Variants in EPHA6 observed in about 807,000 individuals in gnomAD.
The protein encoded by EPHA6 is ephrin type-A receptor 6.
Under a neutral mutation model 112.0 loss-of-function variants are expected in EPHA6, and 50 were observed. That is an observed-to-expected ratio of 0.45 (90% CI 0.36 to 0.56). The LOEUF (loss-of-function observed/expected upper bound fraction) is 0.56, where lower values mean the gene tolerates loss of function less well. Ranked by LOEUF, EPHA6 falls within the 20% of genes least tolerant of loss-of-function variation. The probability of loss-of-function intolerance (pLI) is 0.00; values close to 1 mark genes in which losing one functional copy is unlikely to be tolerated. For missense variants in EPHA6, 1,280 were observed against 1,417.4 expected, an observed-to-expected ratio of 0.90 and a Z score of 1.56; for synonymous variants, 529 against 490.7, an observed-to-expected ratio of 1.08 and a Z score of -1.03.
chr3:97,198,976 G>A (rs1300041195), intron 3 of EPHA6, among the ~76,000 whole-genome samples: 1 of 152,054 alleles, frequency 6.6e-6, no homozygotes, highest in Non-Finnish European at 1.5e-5. Flanking sequence ...TCCCAAGTAA[G>A]TATAGGGCTT....
intron 5 of EPHA6, among the ~76,000 whole-genome samples, chr3:97,322,064 TGAA>T (rs1184043760): frequency 6.6e-6 from 1 of 152,058 alleles, no homozygotes; most frequent in Non-Finnish European, 1.5e-5. Flanking sequence ...TATTTGCTGA[TGAA>T]GAAGAACAGA....
intron 3 of EPHA6, among the ~76,000 whole-genome samples, chr3:97,034,152 G>T (rs1277839889): frequency 6.6e-6 from 1 of 151,866 alleles, no homozygotes; most frequent in Admixed American, 6.6e-5. Context: ...TCTTGACAAG[G>T]TTGTATTTAA....
chr3:97,406,267 T>C (rs1299151178), intron 6 of EPHA6, among the ~76,000 whole-genome samples: 1 of 152,144 alleles, frequency 6.6e-6, no homozygotes, highest in Admixed American at 6.6e-5. Flanking sequence ...TAATTTATAA[T>C]AAACAGAAAT....
intron 14 of EPHA6, among the ~76,000 whole-genome samples, chr3:97,669,367 T>A (rs568938783): frequency 6.7e-6 from 1 of 149,776 alleles, no homozygotes; most frequent in South Asian, 2.1e-4. Context: ...GTAATTATCT[T>A]GCATCTCCCA....
intron 5 of EPHA6, among the ~76,000 whole-genome samples, chr3:97,377,267 T>C (rs534780773): frequency 3.2e-4 from 49 of 152,248 alleles, no homozygotes; most frequent in Middle Eastern, 3.4e-3. Flanking sequence ...TTATCAGGGG[T>C]TTCTGCTTCT....
chr3:97,316,879 G>A (rs1483055110), intron 5 of EPHA6, among the ~76,000 whole-genome samples: 1 of 151,756 alleles, frequency 6.6e-6, no homozygotes, highest in Non-Finnish European at 1.5e-5. Flanking sequence ...GTCAAGAAGA[G>A]CCCAGATGTT....
intron 2 of EPHA6, among the ~76,000 whole-genome samples, chr3:96,940,521 C>G (rs1164998786): frequency 6.6e-6 from 1 of 152,122 alleles, no homozygotes; most frequent in Non-Finnish European, 1.5e-5. Context: ...TTCCTGAATA[C>G]AGCACACTGA....
chr3:97,226,810 A>T (rs2078370215), intron 4 of EPHA6, among the ~76,000 whole-genome samples: 1 of 152,224 alleles, frequency 6.6e-6, no homozygotes, highest in Admixed American at 6.5e-5. Context: ...CATATAGTTA[A>T]CGCGTGAGGG....
chr3:97,016,610 G>A lies in EPHA6; in HGVS notation c.1114+28617G>A, dbSNP rs6795574. Among the ~76,000 whole-genome samples, 821 of 152,202 alleles carry A rather than the reference G, an allele frequency of 5.4e-3. 14 individuals are homozygous for A. The highest frequency in any genetic ancestry group is 0.017 in the African/African-American group (718 of 41,528). ...ACTGTATTTTAAAGTGTGCAGTTTG[G>A]TAAGTTTTGACGTATGTCTAGAGCC... On this transcript the variant is annotated intron_variant, in intron 3 of 17. Transcript: ENST00000389672.
At chr3:97,660,729 C>T (rs2107632108) in intron 14 of EPHA6, among the ~76,000 whole-genome samples, 1 of 152,094 alleles carries the variant, frequency 6.6e-6, no homozygotes, top group Admixed American at 6.6e-5. Flanking sequence ...ATTCTGGATT[C>T]ATTGTGATGA....
chr3:97,647,603 T>C (rs2094075359), intron 14 of EPHA6, among the ~76,000 whole-genome samples: 1 of 152,116 alleles, frequency 6.6e-6, no homozygotes, highest in Non-Finnish European at 1.5e-5. Context: ...ATGATTAGGG[T>C]CCGCACCTAA....
intron 5 of EPHA6, among the ~76,000 whole-genome samples, chr3:97,348,018 A>G (rs549061219): frequency 2.3e-4 from 35 of 152,160 alleles, no homozygotes; most frequent in African/African-American, 7.9e-4. Flanking sequence ...GCACTTATAA[A>G]CATTTCCAAC....
intron 6 of EPHA6, chr3:97,439,572 A>C: frequency 1.0e-6 from 1 of 986,302 alleles, no homozygotes; most frequent in Non-Finnish European, 1.2e-6. Flanking sequence ...CCCAGCTGCC[A>C]CTACTATTTA....
At chr3:97,062,975 T>A (rs1270103794) in intron 3 of EPHA6, among the ~76,000 whole-genome samples, 3 of 150,782 alleles carry the variant, frequency 2.0e-5, no homozygotes, top group Non-Finnish European at 3.0e-5. Context: ...GATCATTAGG[T>A]AAATGCAAAT....
Position 97,267,777 on chromosome 3 carries a change from C to T in EPHA6, c.1606+23490C>T, listed in dbSNP as rs1276861026. ...CAAGAAGGAGTTGTATAAGGATTTC[C>T]TCTTTACTCTTTTAACTAGAACAAA... On this transcript the variant is annotated intron_variant, in intron 5 of 17. Transcript: ENST00000389672. Among the ~76,000 whole-genome samples, 3 of 151,984 alleles carry T rather than the reference C, an allele frequency of 2.0e-5. No homozygotes were observed. In the East Asian group the frequency reaches 5.8e-4, roughly 29 times the overall value.
chr3:97,686,149 A>G (rs965576801), intron 14 of EPHA6, among the ~76,000 whole-genome samples: 1 of 152,154 alleles, frequency 6.6e-6, no homozygotes, highest in East Asian at 1.9e-4. Context: ...ATAACTATTC[A>G]TTTGTGATGC....
chr3:97,609,306 T>C (rs2093701292), intron 12 of EPHA6, among the ~76,000 whole-genome samples: 1 of 151,384 alleles, frequency 6.6e-6, no homozygotes, highest in Non-Finnish European at 1.5e-5. Flanking sequence ...CCCACCTTGC[T>C]ACCTCAGTGT....
intron 3 of EPHA6, among the ~76,000 whole-genome samples, chr3:97,141,027 A>G (rs1391901109): frequency 1.3e-5 from 2 of 152,154 alleles, no homozygotes; most frequent in Non-Finnish European, 2.9e-5. Context: ...AGGAGTAGCT[A>G]TACATATATC....
chr3:97,187,362 G>A (rs1171320260), intron 3 of EPHA6, among the ~76,000 whole-genome samples: 4 of 151,962 alleles, frequency 2.6e-5, no homozygotes, highest in African/African-American at 9.7e-5. Flanking sequence ...TTGACATCAG[G>A]AGTTCAAGAC....
Sources: allele counts gnomAD v4.1 joint callset (sites outside exome capture counted in the v4.1 genomes callset), GRCh38; gene constraint gnomAD v4.1.1; transcripts MANE v1.5; gene names NCBI Gene and HGNC (gene_info 2026-07-23, HGNC 2026-07-21).